Variants in GCFC2 observed in about 807,000 individuals in gnomAD.
GCFC2 encodes the protein GC-rich sequence DNA-binding factor 2.
GCFC2 carries 102 observed loss-of-function variants against 99.4 expected under a neutral mutation model. That is an observed-to-expected ratio of 1.03 (90% confidence interval 0.87 to 1.21). The LOEUF (loss-of-function observed/expected upper bound fraction) is 1.21. Ranked by LOEUF, GCFC2 falls within the 50% of genes most tolerant of loss-of-function variation. The pLI is 0.00. For synonymous variants in GCFC2, 338 were observed against 316.8 expected (o/e 1.07, Z -0.71); for missense variants, 973 against 920.9 (o/e 1.06, Z -0.73).
chr2:75,673,449 T>G lies in GCFC2; in HGVS notation c.1884A>C (p.Pro628=), dbSNP rs756843538. The change falls in exon 13 of 17, where the codon CCA becomes CCC. Residue 628 remains proline (P), a synonymous_variant. Transcript: ENST00000321027. ...VEDDVFIPLY[P]KSAVENKTSP... ...TAGAAATTAACAGCGCTTACCTCTT[T>G]GGATACAGAGGAATAAAAACATCAT... 7.4e-7 allele frequency: 1 copy of G among 1,347,286 alleles called. No homozygotes were observed. Among genetic ancestry groups the G allele is most frequent in the Non-Finnish European group, 1.1e-6 (1 of 937,286 alleles). The allele number at this position is 1,347,286 out of a possible 1,614,324, so 83.5% of individuals were successfully genotyped here.
intron 3 of GCFC2, 61 bp downstream of exon 3, chr2:75,702,138 T>G: frequency 6.5e-7 from 1 of 1,542,022 alleles, no homozygotes; most frequent in Non-Finnish European, 8.8e-7. Flanking sequence ...TTTATGGAGA[T>G]TCTCTCATAT....
intron 1 of GCFC2, 162 bp downstream of exon 1, chr2:75,710,429 T>C (rs1274454970): frequency 7.3e-7 from 1 of 1,362,826 alleles, no homozygotes; most frequent in Non-Finnish European, 9.4e-7. Context: ...CTCGAGCTAT[T>C]TTCTCGCTCA....
At chr2:75,711,266 C>T (rs1681171847), upstream of GCFC2, 1 of 955,276 alleles carries the variant, frequency 1.0e-6, no homozygotes, top group Admixed American at 6.2e-5. Context: ...AGAGTGCCCC[C>T]TCCAACCAAG....
chr2:75,679,764 C>T, intron 12 of GCFC2: 1 of 398,756 alleles, frequency 2.5e-6, no homozygotes, highest in South Asian at 1.3e-4. Flanking sequence ...TATACCGGTT[C>T]ATCTCTGCAG....
At chr2:75,675,523 A>G (rs899859047) in intron 12 of GCFC2, among the ~76,000 whole-genome samples, 9 of 152,126 alleles carry the variant, frequency 5.9e-5, no homozygotes, top group Admixed American at 5.2e-4. Flanking sequence ...TGGGTGGGTC[A>G]CTTGAGGCCA....
Position 75,692,039 on chromosome 2 carries a change from G to GTCATAGC in GCFC2, c.1075_1081dup (p.Thr361SerfsTer11). On this transcript the variant is annotated frameshift_variant, in exon 7 of 17. Transcript: ENST00000321027. LOFTEE classifies it high-confidence loss of function. ...TTCATCTTGCCTGCGTTTCATAAAG[G>GTCATAGC]TCATAGCTTGTTTTAAAAGGAGTGC... The GTCATAGC allele has an allele frequency of 1.3e-6, 2 of 1,553,670 alleles. No homozygotes were observed. Among genetic ancestry groups the GTCATAGC allele is most frequent in the Non-Finnish European group, 1.8e-6 (2 of 1,139,638 alleles).
chr2:75,710,490 G>T (rs1044250365), intron 1 of GCFC2, 101 bp downstream of exon 1: 20 of 1,392,004 alleles, frequency 1.4e-5, no homozygotes, highest in East Asian at 3.0e-5. Context: ...GCTTGTGGTC[G>T]GCAGCAAGTT....
rs1415660531 is a variant in GCFC2 at position 75,702,316 on chromosome 2, A to T, written c.502T>A (p.Ser168Thr). The change falls in exon 3 of 17, where the codon TCT becomes ACT. Residue 168 changes from serine (S) to threonine (T), a missense_variant. Physicochemically the swap from Ser to Thr is moderately conservative, Grantham distance 58. Transcript: ENST00000321027. ...TCTTCGCTCTCTCTCTTCATACCAG[A>T]GATGGAGGAGGTATGTTGTACATCC... ...SLDVQHTSSI[S>T]GMKRESEDDP... The T allele has an allele frequency of 3.7e-6, 6 of 1,613,216 alleles. No individual in the cohort carries two copies. The highest frequency in any genetic ancestry group is 5.1e-6 in the Non-Finnish European group (6 of 1,179,300).
intron 12 of GCFC2, among the ~76,000 whole-genome samples, chr2:75,676,981 C>G (rs1233535076): frequency 6.6e-6 from 1 of 152,172 alleles, no homozygotes; most frequent in East Asian, 1.9e-4. Context: ...GAGAAGATAT[C>G]TAATACTAAC....
At chr2:75,706,744 CG>C in intron 1 of GCFC2, 93 bp from the exon 2 acceptor site, 1 of 771,556 alleles carries the variant, frequency 1.3e-6, no homozygotes, top group East Asian at 2.6e-5. Context: ...ATGTATAATA[CG>C]GTGTTTTAAT....
At chr2:75,697,036 G>A (rs1558748282) in intron 4 of GCFC2, among the ~76,000 whole-genome samples, 1 of 152,074 alleles carries the variant, frequency 6.6e-6, no homozygotes, top group Non-Finnish European at 1.5e-5. Context: ...TCTGCCTGCC[G>A]TGGCCTCCCA....
At chr2:75,692,638 C>A (rs1680137449) in intron 6 of GCFC2, among the ~76,000 whole-genome samples, 5 of 150,108 alleles carry the variant, frequency 3.3e-5, no homozygotes, top group Non-Finnish European at 5.9e-5. Context: ...CAGAGTGAGG[C>A]TCTGTCTCAA....
At position 75,664,646 on chromosome 2, in the gene GCFC2, C is replaced by G. The variant is rs374183618; in HGVS notation, c.*20G>C. ...GAGTGTAACTATATTAAAATTTTAG[C>G]ATTTTCCAATAAAGTTTATTCAATC... On this transcript the variant is annotated 3_prime_UTR_variant, in exon 17 of 17. Coordinates refer to ENST00000321027, the MANE Select transcript of GCFC2 (RefSeq NM_003203.5). 2 of 1,062,800 alleles carry G rather than the reference C, an allele frequency of 1.9e-6. No homozygotes were observed. Among genetic ancestry groups the G allele is most frequent in the Non-Finnish European group, 2.9e-6 (2 of 695,502 alleles). 65.8% of individuals were successfully genotyped at this position (1,062,800 alleles called of 1,614,324 possible). A position where few individuals can be genotyped will look rare whatever the true frequency, so the allele number is the denominator to read the frequency against.
chr2:75,710,866 C>T lies in GCFC2; in HGVS notation c.-11G>A. On this transcript the variant is annotated 5_prime_UTR_variant, in exon 1 of 17. Transcript: ENST00000321027. ...CGGCCTGTGAGCCATGGCCGAGGCC[C>T]GAGCGCCCGGCGCCCTAGAACCCGC... 6.5e-7 allele frequency: 1 copy of T among 1,540,220 alleles called. No individual in the cohort carries two copies. Among genetic ancestry groups the T allele is most frequent in the East Asian group, 2.6e-5 (1 of 38,632 alleles).
chr2:75,702,098 C>G (rs1680621484), intron 3 of GCFC2, 101 bp downstream of exon 3: 1 of 1,507,702 alleles, frequency 6.6e-7, no homozygotes, highest in African/African-American at 1.4e-5. Flanking sequence ...ATTATCAACA[C>G]TATAAAATGT....
intron 1 of GCFC2, among the ~76,000 whole-genome samples, chr2:75,707,587 A>G (rs1265452435): frequency 6.6e-6 from 1 of 152,180 alleles, no homozygotes; most frequent in Non-Finnish European, 1.5e-5. Context: ...TGCAGCTCAC[A>G]TCTTTCTTAG....
chr2:75,669,972 G>A, intron 15 of GCFC2, 166 bp downstream of exon 15: 1 of 463,862 alleles, frequency 2.2e-6, no homozygotes. Flanking sequence ...CAATCCGCCT[G>A]CCTCAGCCTC....
chr2:75,692,146 AATATAT>A (rs35357470), intron 6 of GCFC2, 46 bp from the exon 7 acceptor site: 4,765 of 384,248 alleles, frequency 0.012, 5 homozygotes, highest in Admixed American at 0.017. Flanking sequence ...TCGATAATGA[AATATAT>A]ATATATATAT....
intron 9 of GCFC2, among the ~76,000 whole-genome samples, 189 bp downstream of exon 9, chr2:75,689,780 T>A (rs1402879831): frequency 6.6e-6 from 1 of 152,158 alleles, no homozygotes; most frequent in Non-Finnish European, 1.5e-5. Flanking sequence ...ATACTCACAA[T>A]GTTCCTTCCT....
Sources: gnomAD v4.1 joint callset for allele counts (sites outside exome capture counted in the v4.1 genomes callset) on GRCh38, gnomAD v4.1.1 for gene constraint, MANE v1.5 for transcripts, NCBI Gene and HGNC (gene_info 2026-07-23, HGNC 2026-07-21) for gene names.